Variants in SPATA24 observed in about 807,000 individuals in gnomAD.
SPATA24 encodes spermatogenesis-associated protein 24.
In SPATA24, 21 loss-of-function variants were observed where a neutral mutation model predicts 28.9. The ratio of observed to expected loss-of-function variants is 0.73; its 90% confidence interval spans 0.52 to 1.05. The LOEUF (loss-of-function observed/expected upper bound fraction) is 1.05. SPATA24 is among the 50% of genes least tolerant of loss of function. The pLI is 0.00. For synonymous variants in SPATA24, 76 were observed against 89.9 expected (o/e 0.85, Z 0.88); for missense variants, 215 against 242.9 (o/e 0.88, Z 0.76).
At chr5:139,394,140 C>A (rs1228834108), downstream of SPATA24, 6 of 1,546,770 alleles carry the variant, frequency 3.9e-6, no homozygotes, top group East Asian at 1.5e-4. Context: ...GGCTGGGCCA[C>A]GGCCTCGGGG....
downstream of SPATA24, chr5:139,394,633 G>C: frequency 6.5e-7 from 1 of 1,534,394 alleles, no homozygotes. Flanking sequence ...CGCGGCGGGA[G>C]ACGCTGGCCC....
chr5:139,392,500 C>A (rs1395717166), downstream of SPATA24: 9 of 1,354,780 alleles, frequency 6.6e-6, no homozygotes, highest in Non-Finnish European at 7.6e-6. The surrounding 1 kb of genome is among the most constrained non-coding windows in gnomAD (Gnocchi z 5.8). Context: ...TTGCGGGGAC[C>A]GGTCCGTGGG....
downstream of SPATA24, chr5:139,394,799 C>T (rs1402112646): frequency 8.5e-6 from 13 of 1,528,318 alleles, no homozygotes; most frequent in African/African-American, 1.4e-5. Context: ...GGCCGTGGGC[C>T]GGAACCTGGG....
chr5:139,402,789 G>T, intron 1 of SPATA24, 96 bp from the exon 2 acceptor site: 1 of 888,942 alleles, frequency 1.1e-6, no homozygotes, highest in Non-Finnish European at 1.8e-6. Context: ...GATGATGCTC[G>T]TGGTACCTAG....
At chr5:139,397,008 T>A (rs1360714339) in intron 5 of SPATA24, 33 bp downstream of exon 5, 2 of 1,551,436 alleles carry the variant, frequency 1.3e-6, no homozygotes, top group Non-Finnish European at 1.7e-6. Flanking sequence ...CCCAGTGTCA[T>A]CAACAACCCC....
At chr5:139,393,224 C>T (rs1758630570), downstream of SPATA24, 1 of 1,549,176 alleles carries the variant, frequency 6.5e-7, no homozygotes, top group Admixed American at 2.0e-5. Context: ...CGCGGAATGG[C>T]CATGCGCGGG....
chr5:139,393,229 C>A (rs1581395053), downstream of SPATA24: 1 of 1,549,054 alleles, frequency 6.5e-7, no homozygotes, highest in Non-Finnish European at 8.7e-7. Context: ...AATGGCCATG[C>A]GCGGGCGTCC....
At chr5:139,403,866 A>T in intron 1 of SPATA24, 78 bp downstream of exon 1, 4 of 1,257,256 alleles carry the variant, frequency 3.2e-6, no homozygotes, top group Non-Finnish European at 4.5e-6. Context: ...CGGCCCCCGC[A>T]TCGGAACAGG....
intron 4 of SPATA24, among the ~76,000 whole-genome samples, chr5:139,399,964 G>A (rs1758788342): frequency 6.6e-6 from 1 of 152,214 alleles, no homozygotes; most frequent in African/African-American, 2.4e-5. Context: ...GGAAGTAAGG[G>A]GATGCCCAGG....
downstream of SPATA24, chr5:139,392,680 G>A (rs1758618610): frequency 1.4e-6 from 2 of 1,396,394 alleles, no homozygotes; most frequent in Non-Finnish European, 1.9e-6. This position sits in a 1 kb window ranked among gnomAD's most constrained non-coding sequence, Gnocchi z 5.8. Flanking sequence ...AGGGGAGCCG[G>A]GGCGGGGCGA....
At chr5:139,392,634 G>A, downstream of SPATA24, 3 of 1,386,966 alleles carry the variant, frequency 2.2e-6, no homozygotes, top group East Asian at 3.0e-5. The surrounding 1 kb of genome is among the most constrained non-coding windows in gnomAD (Gnocchi z 5.8). Flanking sequence ...TCTTCGGTTT[G>A]GGTGCTATCC....
chr5:139,394,523 C>G, downstream of SPATA24: 1 of 1,465,046 alleles, frequency 6.8e-7, no homozygotes, highest in South Asian at 1.4e-5. Context: ...TCCACACACT[C>G]GAACTGCGCT....
Position 139,397,111 on chromosome 5 carries a change from T to C in SPATA24, c.418A>G (p.Ile140Val), listed in dbSNP as rs1758727431. 2 of 1,552,116 alleles carry C rather than the reference T, an allele frequency of 1.3e-6. No individual in the cohort carries two copies. Among genetic ancestry groups the C allele is most frequent in the Non-Finnish European group, 8.7e-7 (1 of 1,147,078 alleles). ...IESHIIKQED[I>V]LNGKENEIKE... ...ATCTCATTCTCTTTGCCATTAAGTA[T>C]ATCTTCTTGCTTTATAATGTGAGAC... The change falls in exon 5 of 6, where the codon ATA (isoleucine) becomes GTA (valine). Residue 140 changes from isoleucine to valine, a missense_variant. Ile to Val is a conservative substitution (Grantham distance 29). Coordinates refer to ENST00000450845, the MANE Select transcript of SPATA24 (RefSeq NM_194296.2).
chr5:139,395,979 G>C (rs1038467507), downstream of SPATA24, among the ~76,000 whole-genome samples: 1 of 152,180 alleles, frequency 6.6e-6, no homozygotes, highest in African/African-American at 2.4e-5. Context: ...CTGGGGACAG[G>C]CGCTGGTGGG....
chr5:139,393,745 T>G, downstream of SPATA24: 1 of 1,551,356 alleles, frequency 6.4e-7, no homozygotes, highest in African/African-American at 1.4e-5. Flanking sequence ...GCTGACAGTT[T>G]CCTCGACGGC....
downstream of SPATA24, chr5:139,396,200 C>T: frequency 1.0e-6 from 1 of 985,400 alleles, no homozygotes; most frequent in Non-Finnish European, 1.2e-6. Context: ...GGTGTGTCCC[C>T]ATGATCACCT....
At chr5:139,394,397 G>T (rs1187855726), downstream of SPATA24, 1 of 1,391,640 alleles carries the variant, frequency 7.2e-7, no homozygotes, top group Non-Finnish European at 9.2e-7. Context: ...AGGAGCAGCC[G>T]GGGGCGCGGC....
chr5:139,393,585 CG>C, downstream of SPATA24: 2 of 1,550,846 alleles, frequency 1.3e-6, no homozygotes, highest in Non-Finnish European at 1.7e-6. Flanking sequence ...GGAAGAAGGC[CG>C]GCGGGGACGG....
chr5:139,396,931 T>C lies in SPATA24; in HGVS notation c.489-2A>G. The C allele has an allele frequency of 6.4e-7, 1 of 1,551,646 alleles. No homozygotes were observed. ...ATCCGGAAGTCAGACATGTGATTCC[T>C]GCAACGGAGCCGGCTGGTGGTGGGC... On this transcript the variant is annotated splice_acceptor_variant, in intron 5 of 5. Coordinates refer to ENST00000450845, the MANE Select transcript of SPATA24 (RefSeq NM_194296.2). LOFTEE classifies it high-confidence loss of function.
Sources: allele counts gnomAD v4.1 joint callset (sites outside exome capture counted in the v4.1 genomes callset), GRCh38; gene constraint gnomAD v4.1.1; non-coding constraint Gnocchi (gnomAD v3.1); transcripts MANE v1.5; gene names NCBI Gene and HGNC (gene_info 2026-07-23, HGNC 2026-07-21).